The following RALY variants were observed in gnomAD, a reference collection of about 807,000 sequenced individuals.
RALY encodes RALY heterogeneous nuclear ribonucleoprotein.
RALY carries 15 observed loss-of-function variants against 30.7 expected under a neutral mutation model. The observed-to-expected ratio is 0.49, with a 90% confidence interval of 0.33 to 0.75. RALY has a LOEUF of 0.75. RALY is among the 30% of genes least tolerant of loss of function. RALY has a pLI of 0.02. For missense variants in RALY, 339 were observed against 414.3 expected (o/e 0.82, Z 1.58); for synonymous variants, 177 against 170.8 (o/e 1.04, Z -0.28).
At chr20:34,000,330 G>A (rs1276627124) in intron 1 of RALY, among the ~76,000 whole-genome samples, 1 of 151,942 alleles carries the variant, frequency 6.6e-6, no homozygotes, top group African/African-American at 2.4e-5. Context: ...AAATCATCTG[G>A]GGGGGTCCCT....
At chr20:33,996,384 T>C (rs961931685) in intron 1 of RALY, among the ~76,000 whole-genome samples, 3 of 152,164 alleles carry the variant, frequency 2.0e-5, no homozygotes, top group African/African-American at 7.2e-5. Context: ...GTAGTAATAA[T>C]AGCTAAATTT....
Position 34,080,287 on chromosome 20 carries a change from G to GT in RALY, c.*386dup, listed in dbSNP as rs2034007594. ...CCTGTTCTGAGATGGGATGGTTTGT[G>GT]TTTTCTCATGAAGATATCCCGGCCC... On this transcript the variant is annotated 3_prime_UTR_variant, in exon 10 of 10. Transcript: ENST00000246194. 6.6e-6 allele frequency: 1 copy of GT among 152,310 alleles called. No individual in the cohort carries two copies. The highest frequency in any genetic ancestry group is 1.5e-5 in the Non-Finnish European group (1 of 68,114). The allele number at this position is 152,310 out of a possible 1,614,324, so 9.4% of individuals were successfully genotyped here.
intron 1 of RALY, among the ~76,000 whole-genome samples, chr20:33,999,861 G>T (rs185044325): frequency 6.6e-6 from 1 of 152,078 alleles, no homozygotes; most frequent in African/African-American, 2.4e-5. Context: ...CGGGTGGCAC[G>T]TGTCTAGGTT....
At chr20:34,070,654 A>G (rs546203818) in intron 2 of RALY, among the ~76,000 whole-genome samples, 120 of 152,368 alleles carry the variant, frequency 7.9e-4, no homozygotes, top group African/African-American at 2.8e-3. Flanking sequence ...CTTTAGTGAC[A>G]GACTGACCTG....
rs143018144 is a variant in RALY at position 34,005,113 on chromosome 20, C to T, written c.-93+10982C>T. On this transcript the variant is annotated intron_variant, in intron 1 of 9. Transcript: ENST00000246194. ...CAGCTTCTGATCCTGTGTCAGGTCG[C>T]GGGGTGTTTGTCAAGATAGACAGGG... Among the ~76,000 whole-genome samples the T allele has an allele frequency of 7.2e-4, 110 of 152,192 alleles. 1 individual carries two copies. Among genetic ancestry groups the T allele is most frequent in the Middle Eastern group, 6.8e-3 (2 of 294 alleles).
intron 2 of RALY, among the ~76,000 whole-genome samples, chr20:34,054,876 G>A (rs952535656): frequency 3.3e-5 from 5 of 151,850 alleles, no homozygotes; most frequent in African/African-American, 7.3e-5. Context: ...TTGATGAAGC[G>A]GTCTCCCTCT....
intron 1 of RALY, among the ~76,000 whole-genome samples, chr20:34,007,298 G>T (rs1045833127): frequency 6.6e-6 from 1 of 152,162 alleles, no homozygotes; most frequent in Non-Finnish European, 1.5e-5. Flanking sequence ...AAGGCAGGCG[G>T]ATCACGAGGT....
chr20:34,058,455 T>C lies in RALY; in HGVS notation c.-9-13611T>C, dbSNP rs527819481. Among the ~76,000 whole-genome samples, 3 of 152,142 alleles carry C rather than the reference T, an allele frequency of 2.0e-5. No homozygotes were observed. In the East Asian group the frequency reaches 5.8e-4, roughly 29 times the overall value. On this transcript the variant is annotated intron_variant, in intron 2 of 9. Transcript: ENST00000246194. ...AAACAAGGGACAGTGTCTAAGCTGC[T>C]CTCTGAAAGGAACGGTTCACCTGAA...
At chr20:34,040,793 A>G (rs991821029) in intron 2 of RALY, among the ~76,000 whole-genome samples, 6 of 152,254 alleles carry the variant, frequency 3.9e-5, no homozygotes, top group South Asian at 2.1e-4. Flanking sequence ...CTGAAGCCAC[A>G]TATCTAGTCT....
At chr20:34,015,464 TGGG>T (rs138520684) in intron 1 of RALY, among the ~76,000 whole-genome samples, 23 of 152,262 alleles carry the variant, frequency 1.5e-4, no homozygotes, top group African/African-American at 5.3e-4. Flanking sequence ...TCCAAGTCTT[TGGG>T]TGGAGATGTG....
chr20:34,026,547 C>T (rs981846941), intron 1 of RALY, among the ~76,000 whole-genome samples: 53 of 149,632 alleles, frequency 3.5e-4, no homozygotes, highest in Non-Finnish European at 7.0e-4. Flanking sequence ...GGACTACAGG[C>T]GCCCGCCAGC....
intron 2 of RALY, among the ~76,000 whole-genome samples, chr20:34,054,427 C>T (rs543685633): frequency 1.8e-4 from 27 of 152,262 alleles, no homozygotes; most frequent in African/African-American, 5.5e-4. Flanking sequence ...GATCTGCCTA[C>T]GGGGTGGGAT....
intron 2 of RALY, among the ~76,000 whole-genome samples, chr20:34,041,950 C>T (rs2032716024): frequency 6.6e-6 from 1 of 151,924 alleles, no homozygotes; most frequent in Non-Finnish European, 1.5e-5. Flanking sequence ...TACTAAAATA[C>T]AAAAATTAGC....
intron 1 of RALY, among the ~76,000 whole-genome samples, chr20:34,021,351 A>G (rs1221492277): frequency 1.3e-5 from 2 of 152,216 alleles, no homozygotes; most frequent in African/African-American, 4.8e-5. Flanking sequence ...TGTTTGGCTC[A>G]TGCTTCTGGA....
intron 2 of RALY, among the ~76,000 whole-genome samples, chr20:34,053,689 G>A (rs1328672546): frequency 6.6e-6 from 1 of 152,100 alleles, no homozygotes; most frequent in Non-Finnish European, 1.5e-5. Flanking sequence ...GAGCCACCAT[G>A]CCTAGCCAAG....
At chr20:34,039,400 C>T (rs2032615006) in intron 2 of RALY, among the ~76,000 whole-genome samples, 1 of 152,234 alleles carries the variant, frequency 6.6e-6, no homozygotes, top group African/African-American at 2.4e-5. Context: ...ATTGGGTGTT[C>T]CCAGTCAAGC....
chr20:34,029,133 G>A (rs1396927668), intron 1 of RALY, among the ~76,000 whole-genome samples: 1 of 152,138 alleles, frequency 6.6e-6, no homozygotes, highest in East Asian at 1.9e-4. Context: ...AGCAGTGCAA[G>A]CAAGAGATAA....
At chr20:34,078,972 C>T (rs957574872) in intron 9 of RALY, among the ~76,000 whole-genome samples, 4 of 152,184 alleles carry the variant, frequency 2.6e-5, no homozygotes, top group Admixed American at 2.0e-4. Flanking sequence ...GAGCAATGTT[C>T]CACACCAGGG....
At position 34,083,046 on chromosome 20, in the gene RALY, A is replaced by G. The variant is rs1406989353; in HGVS notation, c.*3141A>G. ...CCCTGGGCAAGTCTTTTTCCTTACC[A>G]GGTCTCAGTTTCCTCAGCTGTAAAA... On this transcript the variant is annotated 3_prime_UTR_variant, in exon 10 of 10. Transcript: ENST00000246194. The G allele has an allele frequency of 6.6e-6, 1 of 152,208 alleles. No individual in the cohort carries two copies. Among genetic ancestry groups the G allele is most frequent in the East Asian group, 1.9e-4 (1 of 5,200 alleles). The allele number at this position is 152,208 out of a possible 1,614,324, so 9.4% of individuals were successfully genotyped here. A position where few individuals can be genotyped will look rare whatever the true frequency, so the allele number is the denominator to read the frequency against.
Sources: allele counts gnomAD v4.1 joint callset (sites outside exome capture counted in the v4.1 genomes callset), GRCh38; gene constraint gnomAD v4.1.1; transcripts MANE v1.5; gene names NCBI Gene and HGNC (gene_info 2026-07-23, HGNC 2026-07-21).